The following TSHZ3 variants were observed in gnomAD, a reference collection of about 807,000 sequenced individuals.
TSHZ3 encodes the protein teashirt homolog 3.
TSHZ3 carries 10 observed loss-of-function variants against 64.5 expected under a neutral mutation model. The observed-to-expected ratio is 0.16, with a 90% CI of 0.10 to 0.26. The LOEUF is 0.26. Among genes scored for constraint, TSHZ3 ranks in the 10% least tolerant of loss-of-function variants. TSHZ3 has a pLI of 1.00. For missense variants in TSHZ3, 1,242 were observed against 1,421.7 expected (o/e 0.87, Z 2.03); for synonymous variants, 608 against 593.1 (o/e 1.03, Z -0.36).
At chr19:31,182,994 T>A (rs1415142184) in intron 5 of TSHZ3, among the ~76,000 whole-genome samples, 2 of 152,144 alleles carry the variant, frequency 1.3e-5, no homozygotes, top group African/African-American at 4.8e-5. Flanking sequence ...GTGGGCCTCA[T>A]CTAATCAGTT....
chr19:31,288,511 C>G (rs543956089), intron 1 of TSHZ3, among the ~76,000 whole-genome samples: 1 of 152,058 alleles, frequency 6.6e-6, no homozygotes. Flanking sequence ...CCATAGCAAC[C>G]CAATGTGGAG....
intron 1 of TSHZ3, among the ~76,000 whole-genome samples, chr19:31,330,717 GGA>G (rs1917064397): frequency 1.3e-5 from 2 of 149,966 alleles, no homozygotes; most frequent in African/African-American, 4.9e-5. Flanking sequence ...GGCGGGGGGA[GGA>G]AAGTCCAGAA....
intron 1 of TSHZ3, among the ~76,000 whole-genome samples, chr19:31,244,810 A>C (rs1975739280): frequency 2.0e-5 from 3 of 152,112 alleles, no homozygotes; most frequent in Non-Finnish European, 4.4e-5. Flanking sequence ...CACTTGGCTA[A>C]TTTTTGAAAT....
intron 1 of TSHZ3, among the ~76,000 whole-genome samples, chr19:31,261,341 T>C (rs1462953452): frequency 6.6e-6 from 1 of 152,134 alleles, no homozygotes; most frequent in East Asian, 1.9e-4. Context: ...CTTAGGGGAA[T>C]GTTAAATTTC....
intron 5 of TSHZ3, chr19:31,204,740 T>C (rs1975141083): frequency 6.6e-6 from 1 of 152,260 alleles, no homozygotes; most frequent in Admixed American, 6.5e-5. Context: ...TTCCTGCACT[T>C]TGCAGGCATG....
rs73565117 is a variant in TSHZ3, at chr19:31,249,469, G to T, written n.64-6594C>A. 5.7e-3 allele frequency among the ~76,000 whole-genome samples: 869 copies of T among 152,236 alleles called. 10 individuals carry two copies. The highest frequency in any genetic ancestry group is 0.02 in the African/African-American group (839 of 41,542). On this transcript the variant is annotated intron_variant and non_coding_transcript_variant, in intron 1 of 6. Transcript: ENST00000651361. ...TCAACTGAACAGGGACCTTGGCACC[G>T]ACTGCAGAGTGGCTGCTGTCTACTT...
At chr19:31,288,456 C>T (rs1232786526) in intron 1 of TSHZ3, among the ~76,000 whole-genome samples, 2 of 152,180 alleles carry the variant, frequency 1.3e-5, no homozygotes, top group Non-Finnish European at 2.9e-5. Context: ...ACAGAGCAGA[C>T]CCCAAGGAAA....
At chr19:31,272,323 C>T (rs1377104047), downstream of TSHZ3, among the ~76,000 whole-genome samples, 1 of 152,116 alleles carries the variant, frequency 6.6e-6, no homozygotes, top group African/African-American at 2.4e-5. Context: ...AGTCACCTAG[C>T]TGGAATGGTC....
chr19:31,348,645 C>T (rs538365256), intron 1 of TSHZ3, among the ~76,000 whole-genome samples: 1 of 152,308 alleles, frequency 6.6e-6, no homozygotes, highest in East Asian at 1.9e-4. Context: ...TGACAATACC[C>T]AGACCCTGTG....
intron 4 of TSHZ3, among the ~76,000 whole-genome samples, chr19:31,227,560 A>G (rs1382197290): frequency 6.6e-6 from 1 of 152,218 alleles, no homozygotes; most frequent in Admixed American, 6.5e-5. Context: ...TTACAGCAAC[A>G]GAAGGGGGAA....
intron 5 of TSHZ3, among the ~76,000 whole-genome samples, chr19:31,166,558 C>T (rs1974454815): frequency 6.6e-6 from 1 of 152,174 alleles, no homozygotes; most frequent in Non-Finnish European, 1.5e-5. Flanking sequence ...GCCATATATC[C>T]CTCCTCCACT....
intron 5 of TSHZ3, among the ~76,000 whole-genome samples, chr19:31,194,400 C>T (rs774728137): frequency 1.3e-5 from 2 of 152,172 alleles, no homozygotes; most frequent in Non-Finnish European, 2.9e-5. Flanking sequence ...CAGAGCCTAA[C>T]CTGCTAGGGT....
chr19:31,338,045 C>T (rs897262835), intron 1 of TSHZ3, among the ~76,000 whole-genome samples: 1 of 152,232 alleles, frequency 6.6e-6, no homozygotes, highest in African/African-American at 2.4e-5. Context: ...AGAATCCCTG[C>T]CAATTAAATT....
At chr19:31,307,355 C>T (rs1317988926) in intron 1 of TSHZ3, among the ~76,000 whole-genome samples, 4 of 152,138 alleles carry the variant, frequency 2.6e-5, no homozygotes, top group South Asian at 4.1e-4. Context: ...GTGTGGCCTA[C>T]GATGGGGCCA....
At position 31,331,703 on chromosome 19, in the gene TSHZ3, C is replaced by T. The variant is rs530867807; in HGVS notation, c.40+17477G>A. The stretch of plus-strand genomic sequence containing the variant: ...TCACTGCGGCCAAGGTTTCTGGGTA[C>T]CTTATGTTCACCACCTGCCACCTAC... On this transcript the variant is annotated intron_variant, in intron 1 of 1. Transcript: ENST00000240587. Among the ~76,000 whole-genome samples the T allele has an allele frequency of 5.3e-5, 8 of 152,328 alleles. No homozygotes were observed. The South Asian group carries it at 1.7e-3, about 32-fold the overall frequency.
At chr19:31,170,265 G>A (rs1974518702) in intron 5 of TSHZ3, among the ~76,000 whole-genome samples, 1 of 152,114 alleles carries the variant, frequency 6.6e-6, no homozygotes, top group Non-Finnish European at 1.5e-5. Flanking sequence ...GCACCTCCCT[G>A]GTGAGTCCTC....
At chr19:31,189,993 T>C (rs990591609) in intron 5 of TSHZ3, among the ~76,000 whole-genome samples, 2 of 152,210 alleles carry the variant, frequency 1.3e-5, no homozygotes, top group Non-Finnish European at 2.9e-5. Flanking sequence ...TCTCTAAATC[T>C]CTGTGTCTAA....
intron 1 of TSHZ3, among the ~76,000 whole-genome samples, chr19:31,325,777 A>T (rs906654796): frequency 6.6e-6 from 1 of 152,198 alleles, no homozygotes; most frequent in Non-Finnish European, 1.5e-5. Context: ...GACTAGAAGC[A>T]ACCAGAATGT....
At chr19:31,193,531 C>T (rs1214110179) in intron 5 of TSHZ3, among the ~76,000 whole-genome samples, 2 of 152,118 alleles carry the variant, frequency 1.3e-5, no homozygotes, top group African/African-American at 2.4e-5. Flanking sequence ...CAACGTGGCA[C>T]CTAATTACCT....
Sources: allele counts gnomAD v4.1 joint callset (sites outside exome capture counted in the v4.1 genomes callset), GRCh38; gene constraint gnomAD v4.1.1; transcripts MANE v1.5; gene names NCBI Gene and HGNC (gene_info 2026-07-23, HGNC 2026-07-21).